Variants in RUNX2 observed in about 807,000 individuals in gnomAD.
RUNX2 encodes RUNX family transcription factor 2.
A neutral mutation model predicts 51.7 loss-of-function variants in RUNX2; 10 were observed. The ratio of observed to expected loss-of-function variants is 0.19; its 90% CI spans 0.12 to 0.33. The LOEUF is 0.33. Among genes scored for constraint, RUNX2 ranks in the 10% least tolerant of loss-of-function variants. The pLI, the probability that RUNX2 is intolerant of heterozygous loss-of-function variation, is 1.00. For missense variants in RUNX2, 562 were observed against 691.3 expected (o/e 0.81, Z 2.10); for synonymous variants, 276 against 273.6 (o/e 1.01, Z -0.09).
intron 2 of RUNX2, chr6:45,421,495 G>C (rs1054928693): frequency 7.9e-5 from 12 of 152,220 alleles, no homozygotes; most frequent in Admixed American, 3.9e-4. Flanking sequence ...AGAGGTGGGG[G>C]TAGAGGTGGG....
intron 2 of RUNX2, among the ~76,000 whole-genome samples, chr6:45,329,599 G>A (rs1247610594): frequency 1.3e-5 from 2 of 151,714 alleles, no homozygotes; most frequent in African/African-American, 4.8e-5. Flanking sequence ...TCACATTCTT[G>A]GACCTACCAA....
In RUNX2 at chr6:45,520,170, A is replaced by G. The variant is rs566303631; in HGVS notation, c.1021+7763A>G. 2.7e-3 allele frequency among the ~76,000 whole-genome samples: 417 copies of G among 152,134 alleles called. 3 individuals are homozygous for G. Among genetic ancestry groups the G allele is most frequent in the African/African-American group, 9.6e-3 (400 of 41,520 alleles). ...TTTTTAAAATCATCAAAGGTGCTCT[A>G]CCTGAACCTGAGGATACTATCTTAT... On this transcript the variant is annotated intron_variant, in intron 7 of 8. Coordinates refer to ENST00000647337, the MANE Select transcript of RUNX2 (RefSeq NM_001024630.4).
At chr6:45,390,514 A>G (rs1276903137) in intron 2 of RUNX2, among the ~76,000 whole-genome samples, 2 of 152,228 alleles carry the variant, frequency 1.3e-5, no homozygotes, top group Non-Finnish European at 2.9e-5. Context: ...AAGATGAGAA[A>G]CTGAGAAGTG....
In RUNX2 at chr6:45,482,258, G is replaced by A. The variant is rs576656528; in HGVS notation, c.686-9683G>A. Among the ~76,000 whole-genome samples, 22 of 151,938 alleles carry A rather than the reference G, an allele frequency of 1.4e-4. 1 individual carries two copies. The South Asian group carries it at 1.7e-3, about 12-fold the overall frequency. Reference sequence around the variant, plus strand: ...CTATGAAGTTTCTTTTTCTTCAGACGTCTCAAGTTTTTTTAGTCCATTATC... The same window carrying A: ...CTATGAAGTTTCTTTTTCTTCAGACATCTCAAGTTTTTTTAGTCCATTATC... On this transcript the variant is annotated intron_variant, in intron 5 of 8. Coordinates refer to ENST00000647337, the MANE Select transcript of RUNX2 (RefSeq NM_001024630.4).
intron 2 of RUNX2, among the ~76,000 whole-genome samples, chr6:45,368,192 T>C (rs1795474008): frequency 6.6e-6 from 1 of 152,198 alleles, no homozygotes; most frequent in South Asian, 2.1e-4. Context: ...TGCCATATTT[T>C]ACAAAATGAA....
intron 2 of RUNX2, among the ~76,000 whole-genome samples, chr6:45,363,010 G>GT (rs1303018357): frequency 1.3e-5 from 2 of 151,694 alleles, no homozygotes; most frequent in African/African-American, 2.4e-5. Context: ...AGGTACATAG[G>GT]TTTTTTATTT....
chr6:45,387,707 T>G (rs1242231224), intron 2 of RUNX2, among the ~76,000 whole-genome samples: 1 of 152,192 alleles, frequency 6.6e-6, no homozygotes, highest in Admixed American at 6.5e-5. Context: ...TTTATACAGT[T>G]ACCTTAAACA....
At chr6:45,414,628 C>T (rs1185207412) in intron 2 of RUNX2, among the ~76,000 whole-genome samples, 1 of 152,088 alleles carries the variant, frequency 6.6e-6, no homozygotes, top group Non-Finnish European at 1.5e-5. Context: ...ACAGCACTAC[C>T]CAGTCTCTGA....
chr6:45,523,620 G>T (rs1042183506), intron 7 of RUNX2, among the ~76,000 whole-genome samples: 1 of 151,096 alleles, frequency 6.6e-6, no homozygotes, highest in African/African-American at 2.4e-5. Context: ...TGCAGAAATA[G>T]TTATAAGGGG....
chr6:45,542,893 A>G (rs1802275702), intron 7 of RUNX2, among the ~76,000 whole-genome samples: 1 of 152,188 alleles, frequency 6.6e-6, no homozygotes. Context: ...TCTTTTCTCT[A>G]GATACCAGCT....
intron 5 of RUNX2, among the ~76,000 whole-genome samples, chr6:45,475,912 A>G (rs1799942540): frequency 6.6e-6 from 1 of 152,228 alleles, no homozygotes; most frequent in East Asian, 1.9e-4. Context: ...ATGTTTTTTC[A>G]AGGGACATTC....
At chr6:45,368,923 A>T (rs983357340) in intron 2 of RUNX2, among the ~76,000 whole-genome samples, 16 of 152,204 alleles carry the variant, frequency 1.1e-4, no homozygotes, top group Admixed American at 2.0e-4. Flanking sequence ...TTTGTTGTTT[A>T]AAAAAATAAT....
chr6:45,528,918 A>G (rs1004849346), intron 7 of RUNX2, among the ~76,000 whole-genome samples: 2 of 152,218 alleles, frequency 1.3e-5, no homozygotes, highest in Non-Finnish European at 2.9e-5. Context: ...AAGGAACTTG[A>G]ATTGATAAGG....
chr6:45,441,098 T>C (rs1471797452), intron 5 of RUNX2, among the ~76,000 whole-genome samples: 7 of 152,290 alleles, frequency 4.6e-5, no homozygotes, highest in African/African-American at 1.7e-4. Context: ...TTATATGCAA[T>C]TGTTTAGCCT....
chr6:45,376,428 AATTT>A lies in RUNX2; in HGVS notation c.59-46161_59-46158del, dbSNP rs373747064. ...ACATGTGGGTATTTAAACGTAAATCAATTTATTAATTTATGAATAAAATTAAAAA... is the reference window on the plus strand; with the variant it reads ...ACATGTGGGTATTTAAACGTAAATCAATTAATTTATGAATAAAATTAAAAA... On this transcript the variant is annotated intron_variant, in intron 2 of 8. Transcript: ENST00000647337. Among the ~76,000 whole-genome samples the A allele has an allele frequency of 2.6e-3, 391 of 152,358 alleles. 3 individuals are homozygous for A. Among genetic ancestry groups the A allele is most frequent in the African/African-American group, 8.6e-3 (357 of 41,580 alleles).
chr6:45,335,852 A>G (rs1788439506), intron 2 of RUNX2, among the ~76,000 whole-genome samples: 2 of 151,376 alleles, frequency 1.3e-5, no homozygotes, highest in South Asian at 4.1e-4. Context: ...TGAAATCTGT[A>G]AAGCATTTCG....
chr6:45,503,921 G>A lies in RUNX2; in HGVS notation c.860-8325G>A, dbSNP rs144771872. On this transcript the variant is annotated intron_variant, in intron 6 of 8. Transcript: ENST00000647337. ...TTTTTCATTCTCTTCTCTGCTTATTGTCTTCTAAGTTTACTAATTCTCTCT... is the reference window on the plus strand; with the variant it reads ...TTTTTCATTCTCTTCTCTGCTTATTATCTTCTAAGTTTACTAATTCTCTCT... Among the ~76,000 whole-genome samples the A allele has an allele frequency of 8.7e-3, 1,317 of 152,150 alleles. 9 individuals carry two copies. The highest frequency in any genetic ancestry group is 0.013 in the Non-Finnish European group (911 of 68,014).
At chr6:45,431,750 C>A in intron 3 of RUNX2, 113 bp from the exon 4 acceptor site, 1 of 1,233,374 alleles carries the variant, frequency 8.1e-7, no homozygotes, top group Non-Finnish European at 1.2e-6. Context: ...CATTACTGGA[C>A]TGGACTAGAA....
At chr6:45,507,145 A>G (rs1800993292) in intron 6 of RUNX2, among the ~76,000 whole-genome samples, 1 of 152,108 alleles carries the variant, frequency 6.6e-6, no homozygotes, top group South Asian at 2.1e-4. Flanking sequence ...CTGGAGTGTT[A>G]GGACATGGTT....
Sources: gnomAD v4.1 joint callset for allele counts (sites outside exome capture counted in the v4.1 genomes callset) on GRCh38, gnomAD v4.1.1 for gene constraint, MANE v1.5 for transcripts, NCBI Gene and HGNC (gene_info 2026-07-23, HGNC 2026-07-21) for gene names.